The following ID4 variants were observed in gnomAD, a reference collection of about 807,000 sequenced individuals.
ID4 encodes inhibitor of DNA binding 4, also known as DNA-binding protein inhibitor ID-4.
ID4 carries 9 observed loss-of-function variants against 8.6 expected under a neutral mutation model. The ratio of observed to expected loss-of-function variants is 1.04; its 90% confidence interval spans 0.63 to 1.82. The LOEUF (loss-of-function observed/expected upper bound fraction) is 1.82, where lower values mean the gene tolerates loss of function less well. Among genes scored for constraint, ID4 ranks in the 40% most tolerant of loss-of-function variants. The pLI, the probability that ID4 is intolerant of heterozygous loss-of-function variation, is 0.00. For synonymous variants in ID4, 180 were observed against 118.0 expected (o/e 1.53, Z -3.41); for missense variants, 270 against 235.1 (o/e 1.15, Z -0.97).
chr6:19,842,083 T>C lies in ID4; in HGVS notation c.*2888T>C, dbSNP rs1212025958. ...AATATACTTTGATATTGTGTAAACCTTACTCAAGTTTATTGTCAAGCTTTA... is the reference window on the plus strand; with the variant it reads ...AATATACTTTGATATTGTGTAAACCCTACTCAAGTTTATTGTCAAGCTTTA... On this transcript the variant is annotated 3_prime_UTR_variant, in exon 3 of 3. Transcript: ENST00000378700. Among the ~76,000 whole-genome samples, 2 of 152,250 alleles carry C rather than the reference T, an allele frequency of 1.3e-5. No homozygotes were observed. The highest frequency in any genetic ancestry group is 2.4e-5 in the African/African-American group (1 of 41,470).
chr6:19,839,552 C>G lies in ID4; in HGVS notation c.*357C>G, dbSNP rs143075248. 2.0e-5 allele frequency: 3 copies of G among 152,668 alleles called. No individual in the cohort carries two copies. The highest frequency in any genetic ancestry group is 4.4e-5 in the Non-Finnish European group (3 of 68,008). 9.5% of individuals were successfully genotyped at this position (152,668 alleles called of 1,614,324 possible). A position where few individuals can be genotyped will look rare whatever the true frequency, so the allele number is the denominator to read the frequency against. The stretch of plus-strand genomic sequence containing the variant: ...GAGTAGATCCGACTTTAGAAGCCTA[C>G]TTTGTGACCAAGGAGCTCAATTTTT... On this transcript the variant is annotated 3_prime_UTR_variant, in exon 3 of 3. Coordinates refer to ENST00000378700, the MANE Select transcript of ID4 (RefSeq NM_001546.4).
At chr6:19,838,669 G>GGCC in intron 2 of ID4, 27 bp downstream of exon 2, 1 of 1,606,646 alleles carries the variant, frequency 6.2e-7, no homozygotes, top group Non-Finnish European at 8.5e-7. Context: ...CGTCTCGGGT[G>GGCC]GCCGGTCACC....
intron 1 of ID4, 59 bp downstream of exon 1, chr6:19,838,254 T>A: frequency 1.5e-6 from 2 of 1,294,560 alleles, no homozygotes; most frequent in South Asian, 2.2e-5. Flanking sequence ...GTTGGTGGCG[T>A]GGTGGCGGGA....
rs1305231637 is a variant in ID4 at position 19,837,800 on chromosome 6, T to G, written c.46T>G (p.Ser16Ala). The G allele has an allele frequency of 8.8e-7, 1 of 1,130,068 alleles. No homozygotes were observed. Among genetic ancestry groups the G allele is most frequent in the African/African-American group, 1.7e-5 (1 of 60,132 alleles). 70.0% of individuals were successfully genotyped at this position (1,130,068 alleles called of 1,614,324 possible). ...PVRPSGRKAP[S>A]GCGGGELALR... ...GCGCCCCTCGGGCCGCAAGGCGCCG[T>G]CGGGCTGCGGCGGCGGGGAGCTGGC... The change falls in exon 1 of 3, where the codon TCG becomes GCG. Residue 16 changes from serine to alanine, a missense_variant. By Grantham distance (99) the Ser-to-Ala change is moderately conservative. Coordinates refer to ENST00000378700, the MANE Select transcript of ID4 (RefSeq NM_001546.4).
rs976253414 is a variant in ID4, at chr6:19,838,223, G to T, written c.441+28G>T. 2.0e-5 allele frequency: 27 copies of T among 1,329,238 alleles called. No homozygotes were observed. The South Asian group carries it at 5.4e-4, about 26-fold the overall frequency. The allele number at this position is 1,329,238 out of a possible 1,614,324, so 82.3% of individuals were successfully genotyped here. A position where few individuals can be genotyped will look rare whatever the true frequency, so the allele number is the denominator to read the frequency against. On this transcript the variant is annotated intron_variant, in intron 1 of 2. Coordinates refer to ENST00000378700, the MANE Select transcript of ID4 (RefSeq NM_001546.4). ...GAGAGGCCGGGCGCCGGCCGTGGGC[G>T]GACGCCGCGGGGGATGGGAGGTTGG...
Position 19,837,806 on chromosome 6 carries a change from T to G in ID4, c.52T>G (p.Cys18Gly). 1 of 1,132,182 alleles carries G rather than the reference T, an allele frequency of 8.8e-7. No homozygotes were observed. Among genetic ancestry groups the G allele is most frequent in the East Asian group, 4.6e-5 (1 of 21,826 alleles). 70.1% of individuals were successfully genotyped at this position (1,132,182 alleles called of 1,614,324 possible). A position where few individuals can be genotyped will look rare whatever the true frequency, so the allele number is the denominator to read the frequency against. Residue 18 changes from cysteine to glycine, a missense_variant, in exon 1 of 3, where the codon TGC becomes GGC. By Grantham distance (159) the Cys-to-Gly change is radical. Transcript: ENST00000378700. ...RPSGRKAPSG[C>G]GGGELALRCL... ...CTCGGGCCGCAAGGCGCCGTCGGGC[T>G]GCGGCGGCGGGGAGCTGGCGCTGCG...
Position 19,838,076 on chromosome 6 carries a change from C to T in ID4, c.322C>T (p.Leu108=), listed in dbSNP as rs758912791. The part of the protein sequence containing the change: ...IDYILDLQLA[L]ETHPALLRQP... ...CTACATCCTGGACCTGCAGCTGGCG[C>T]TGGAGACGCACCCGGCCCTGCTGAG... The change falls in exon 1 of 3, where the codon CTG becomes TTG. Residue 108 remains leucine (L), a synonymous_variant. Transcript: ENST00000378700. The T allele has an allele frequency of 6.2e-7, 1 of 1,606,236 alleles. No individual in the cohort carries two copies. Among genetic ancestry groups the T allele is most frequent in the South Asian group, 1.1e-5 (1 of 90,212 alleles).
In ID4 at chr6:19,837,710, G is replaced by A; in HGVS notation, c.-45G>A. 9.2e-7 allele frequency: 1 copy of A among 1,088,140 alleles called. No homozygotes were observed. Among genetic ancestry groups the A allele is most frequent in the Non-Finnish European group, 1.1e-6 (1 of 894,884 alleles). 67.4% of individuals were successfully genotyped at this position (1,088,140 alleles called of 1,614,324 possible). A position where few individuals can be genotyped will look rare whatever the true frequency, so the allele number is the denominator to read the frequency against. ...GGCCCGGAGCTTGCCTGCCTCCCTCGCTCGCCCCAGCGGGTTCGCTCGCGT... is the reference window on the plus strand; with the variant it reads ...GGCCCGGAGCTTGCCTGCCTCCCTCACTCGCCCCAGCGGGTTCGCTCGCGT... On this transcript the variant is annotated 5_prime_UTR_variant, in exon 1 of 3. Transcript: ENST00000378700.
In ID4 at chr6:19,839,912, G is replaced by C. The variant is rs940083270; in HGVS notation, c.*717G>C. On this transcript the variant is annotated 3_prime_UTR_variant, in exon 3 of 3. Transcript: ENST00000378700. ...TCAATTACAGAGCTCTTGATATCTT[G>C]AATGTCTTTTCTGTTTGGCCTGGCT... The C allele has an allele frequency of 6.6e-6, 1 of 151,884 alleles. No homozygotes were observed. The highest frequency in any genetic ancestry group is 2.4e-5 in the African/African-American group (1 of 41,326). The allele number at this position is 151,884 out of a possible 1,614,324, so 9.4% of individuals were successfully genotyped here.
Position 19,840,246 on chromosome 6 carries a change from C to T in ID4, c.*1051C>T, listed in dbSNP as rs1761330511. On this transcript the variant is annotated 3_prime_UTR_variant, in exon 3 of 3. Transcript: ENST00000378700. ...TATGGGATGAGGAAATGCTTGGATC[C>T]TTAAGGAGTTTACGAAATCTGCTGT... is the stretch of plus-strand genomic sequence containing the variant. 1 of 152,282 alleles carries T rather than the reference C, an allele frequency of 6.6e-6. No individual in the cohort carries two copies. The highest frequency in any genetic ancestry group is 1.5e-5 in the Non-Finnish European group (1 of 67,962). The allele number at this position is 152,282 out of a possible 1,614,324, so 9.4% of individuals were successfully genotyped here.
intron 1 of ID4, 100 bp from the exon 2 acceptor site, chr6:19,838,484 G>A (rs1761279653): frequency 6.6e-7 from 1 of 1,521,690 alleles, no homozygotes; most frequent in South Asian, 1.1e-5. Context: ...GGGTGGGGGC[G>A]TCGGCGCGCC....
rs1358097102 is a variant in ID4 at position 19,841,079 on chromosome 6, CAG to C, written c.*1886_*1887del. Among the ~76,000 whole-genome samples, 2 of 152,084 alleles carry C rather than the reference CAG, an allele frequency of 1.3e-5. No homozygotes were observed. Among genetic ancestry groups the C allele is most frequent in the East Asian group, 1.9e-4 (1 of 5,200 alleles). On this transcript the variant is annotated 3_prime_UTR_variant, in exon 3 of 3. Transcript: ENST00000378700. ...GTCAGTTGAAGTGGCAATGTCTAAA[CAG>C]AAATGAACAAAACTAATGCTAGCAG...
Position 19,838,598 on chromosome 6 carries a change from C to T in ID4, c.456C>T (p.Asn152=), listed in dbSNP as rs991003761. 12 of 1,613,876 alleles carry T rather than the reference C, an allele frequency of 7.4e-6. No homozygotes were observed. The East Asian group carries it at 2.2e-4, about 30-fold the overall frequency. Residue 152 remains asparagine, a synonymous_variant, in exon 2 of 3, where the codon AAC becomes AAT. Transcript: ENST00000378700. ...TGCTGTTCCAGGCCGGCGCGGTGAA[C>T]AAGCAGGGCGACAGCATTCTGTGCC... The part of the protein sequence containing the change: ...ALNTDPAGAV[N]KQGDSILCR
chr6:19,837,623 T>C lies in ID4; in HGVS notation c.-132T>C. ...TCCCGTCAATTGTTGGGCTCGGGAG[T>C]GTCGCGGTGCCCCGAGCGCGCCGGG... On this transcript the variant is annotated 5_prime_UTR_variant, in exon 1 of 3. Transcript: ENST00000378700. 2.2e-6 allele frequency: 1 copy of C among 461,916 alleles called. No individual in the cohort carries two copies. Among genetic ancestry groups the C allele is most frequent in the Non-Finnish European group, 3.0e-6 (1 of 334,928 alleles). The allele number at this position is 461,916 out of a possible 1,614,324, so 28.6% of individuals were successfully genotyped here. A position where few individuals can be genotyped will look rare whatever the true frequency, so the allele number is the denominator to read the frequency against.
rs1185798980 is a variant in ID4, at chr6:19,841,471, C to G, written c.*2276C>G. Reference sequence around the variant, plus strand: ...CATCTGTCATGCCTGACTGCTGAACCCTACCTAAGCCTTTTGGCGCAGTTT... The same window carrying G: ...CATCTGTCATGCCTGACTGCTGAACGCTACCTAAGCCTTTTGGCGCAGTTT... On this transcript the variant is annotated 3_prime_UTR_variant, in exon 3 of 3. Coordinates refer to ENST00000378700, the MANE Select transcript of ID4 (RefSeq NM_001546.4). 6.6e-6 allele frequency among the ~76,000 whole-genome samples: 1 copy of G among 152,276 alleles called. No homozygotes were observed. The highest frequency in any genetic ancestry group is 6.5e-5 in the Admixed American group (1 of 15,306).
At position 19,838,599 on chromosome 6, in the gene ID4, A is replaced by T. The variant is rs1323716412; in HGVS notation, c.457A>T (p.Lys153Ter). The T allele has an allele frequency of 1.2e-6, 2 of 1,613,768 alleles. No homozygotes were observed. Among genetic ancestry groups the T allele is most frequent in the African/African-American group, 2.7e-5 (2 of 74,892 alleles). The change falls in exon 2 of 3, where the codon AAG (lysine) becomes TAG (stop). Residue 153 changes from lysine to a stop codon, truncating the protein, a stop_gained. Coordinates refer to ENST00000378700, the MANE Select transcript of ID4 (RefSeq NM_001546.4). LOFTEE classifies it high-confidence loss of function. ...GCTGTTCCAGGCCGGCGCGGTGAAC[A>T]AGCAGGGCGACAGCATTCTGTGCCG... ...LNTDPAGAVN[K>*]QGDSILCR
Position 19,838,114 on chromosome 6 carries a change from G to C in ID4, c.360G>C (p.Pro120=). The change falls in exon 1 of 3, where the codon CCG becomes CCC. Residue 120 remains proline (P), a synonymous_variant. Coordinates refer to ENST00000378700, the MANE Select transcript of ID4 (RefSeq NM_001546.4). ...CGGCCCTGCTGAGGCAGCCACCACC[G>C]CCCGCGCCGCCACACCACCCGGCCG... The part of the protein sequence containing the change: ...THPALLRQPP[P]PAPPHHPAGT... 3 of 1,586,042 alleles carry C rather than the reference G, an allele frequency of 1.9e-6. No individual in the cohort carries two copies. The highest frequency in any genetic ancestry group is 2.6e-6 in the Non-Finnish European group (3 of 1,167,640).
rs187545481 is a variant in ID4 at position 19,838,558 on chromosome 6, C to G, written c.442-26C>G. The G allele has an allele frequency of 2.5e-5, 40 of 1,613,998 alleles. 1 individual carries two copies. Among genetic ancestry groups the G allele is most frequent in the Middle Eastern group, 1.6e-4 (1 of 6,062 alleles). Reference sequence around the variant, plus strand: ...GCGTTGTTTGCGCCTGCTAACCTTTCCCTTGGTGTTCGGTTGCTGTTCCAG... The same window carrying G: ...GCGTTGTTTGCGCCTGCTAACCTTTGCCTTGGTGTTCGGTTGCTGTTCCAG... On this transcript the variant is annotated intron_variant, in intron 1 of 2. Transcript: ENST00000378700.
At position 19,840,771 on chromosome 6, in the gene ID4, C is replaced by T. The variant is rs930875697; in HGVS notation, c.*1576C>T. On this transcript the variant is annotated 3_prime_UTR_variant, in exon 3 of 3. Coordinates refer to ENST00000378700, the MANE Select transcript of ID4 (RefSeq NM_001546.4). ...TTCTCCTTAAGGAAGGTAATATTTT[C>T]TAGGTTAGATAGGACTATCAGGGTT... The T allele has an allele frequency of 6.6e-6, 1 of 151,914 alleles. No homozygotes were observed. The highest frequency in any genetic ancestry group is 2.4e-5 in the African/African-American group (1 of 41,350). The allele number at this position is 151,914 out of a possible 1,614,324, so 9.4% of individuals were successfully genotyped here.
Sources: allele counts gnomAD v4.1 joint callset (sites outside exome capture counted in the v4.1 genomes callset), GRCh38; gene constraint gnomAD v4.1.1; transcripts MANE v1.5; gene names NCBI Gene and HGNC (gene_info 2026-07-23, HGNC 2026-07-21).